Variants in TBC1D22A observed in about 807,000 individuals in gnomAD.
The protein encoded by TBC1D22A is TBC1 domain family member 22A, also known as putative GTPase activator.
In TBC1D22A, 38 loss-of-function variants were observed where a neutral mutation model predicts 60.2. The ratio of observed to expected loss-of-function variants is 0.63; its 90% CI spans 0.49 to 0.83. The LOEUF (loss-of-function observed/expected upper bound fraction) is 0.83. Among genes scored for constraint, TBC1D22A ranks in the 40% least tolerant of loss-of-function variants. The pLI is 0.00. For missense variants in TBC1D22A, 628 were observed against 701.0 expected (o/e 0.90, Z 1.18); for synonymous variants, 302 against 281.7 (o/e 1.07, Z -0.72).
chr22:47,074,751 C>T (rs2064134407), intron 11 of TBC1D22A, among the ~76,000 whole-genome samples: 1 of 152,208 alleles, frequency 6.6e-6, no homozygotes, highest in South Asian at 2.1e-4. Context: ...CATCCTACCG[C>T]CTTCCTGCCC....
rs563194416 is a variant in TBC1D22A, at chr22:46,831,941, A to G, written c.637+34321A>G. Reference sequence around the variant, plus strand: ...AGTGAATTGCTGTTTGGTGTTATCAATGTTGGAAGGTCCTTTCCCCCCTCA... The same window carrying G: ...AGTGAATTGCTGTTTGGTGTTATCAGTGTTGGAAGGTCCTTTCCCCCCTCA... On this transcript the variant is annotated intron_variant, in intron 4 of 12. Coordinates refer to ENST00000337137, the MANE Select transcript of TBC1D22A (RefSeq NM_014346.5). 4.4e-4 allele frequency among the ~76,000 whole-genome samples: 60 copies of G among 135,888 alleles called. No individual in the cohort carries two copies. The South Asian group carries it at 9.6e-3, about 22-fold the overall frequency. 89.1% of individuals were successfully genotyped at this position (135,888 alleles called of 152,430 possible).
At chr22:47,026,034 A>G (rs557152731) in intron 10 of TBC1D22A, among the ~76,000 whole-genome samples, 4 of 152,386 alleles carry the variant, frequency 2.6e-5, no homozygotes, top group Middle Eastern at 3.4e-3. Flanking sequence ...AACAGTACAC[A>G]TCCCGATGAT....
At chr22:46,941,376 G>T (rs2072051882) in intron 8 of TBC1D22A, among the ~76,000 whole-genome samples, 1 of 146,382 alleles carries the variant, frequency 6.8e-6, no homozygotes, top group Non-Finnish European at 1.5e-5. Context: ...TATATATACA[G>T]AATATATATA....
intron 1 of TBC1D22A, among the ~76,000 whole-genome samples, chr22:46,771,148 A>G (rs2083467303): frequency 6.6e-6 from 1 of 152,310 alleles, no homozygotes; most frequent in East Asian, 1.9e-4. Flanking sequence ...GGTTAATTTT[A>G]AATGAAGACA....
At chr22:47,125,724 A>T (rs934148601) in intron 12 of TBC1D22A, among the ~76,000 whole-genome samples, 1 of 152,094 alleles carries the variant, frequency 6.6e-6, no homozygotes, top group Admixed American at 6.5e-5. Flanking sequence ...AATTTGGGCC[A>T]CTCTGCAAGA....
chr22:47,048,325 A>G (rs1448805733), intron 11 of TBC1D22A, among the ~76,000 whole-genome samples: 3 of 152,152 alleles, frequency 2.0e-5, no homozygotes, highest in Non-Finnish European at 4.4e-5. Flanking sequence ...GCTGTCAGGT[A>G]GGGAAAGGGT....
At position 47,012,876 on chromosome 22, in the gene TBC1D22A, A is replaced by C. The variant is rs538674030; in HGVS notation, c.1201+15167A>C. Among the ~76,000 whole-genome samples, 66 of 152,280 alleles carry C rather than the reference A, an allele frequency of 4.3e-4. 1 individual carries two copies. Among genetic ancestry groups the C allele is most frequent in the African/African-American group, 1.5e-3 (64 of 41,550 alleles). The stretch of plus-strand genomic sequence containing the variant: ...AGTTGTTCCGAGAGCTCATCCTTCC[A>C]GGCCTGTACTTAGCACAGAATCATA... On this transcript the variant is annotated intron_variant, in intron 10 of 12. Coordinates refer to ENST00000337137, the MANE Select transcript of TBC1D22A (RefSeq NM_014346.5).
At chr22:46,992,335 A>G (rs1281727909) in intron 9 of TBC1D22A, among the ~76,000 whole-genome samples, 4 of 152,256 alleles carry the variant, frequency 2.6e-5, no homozygotes. Context: ...GGGGAAGCAC[A>G]TTAGAGACTC....
chr22:47,036,392 G>A (rs1051755248), intron 10 of TBC1D22A, among the ~76,000 whole-genome samples: 6 of 152,168 alleles, frequency 3.9e-5, no homozygotes, highest in Admixed American at 3.9e-4. Context: ...GGGAGCACGG[G>A]GTCTGAGCTG....
At chr22:46,839,103 A>G (rs2086642016) in intron 4 of TBC1D22A, among the ~76,000 whole-genome samples, 1 of 152,172 alleles carries the variant, frequency 6.6e-6, no homozygotes, top group Admixed American at 6.5e-5. Context: ...AACCCTAAGG[A>G]CTCCACCAAA....
At chr22:47,147,073 C>T (rs1263366773) in intron 12 of TBC1D22A, among the ~76,000 whole-genome samples, 1 of 152,240 alleles carries the variant, frequency 6.6e-6, no homozygotes, top group East Asian at 1.9e-4. Flanking sequence ...AGAAGGAAGG[C>T]AGCCAGCCGC....
chr22:47,056,117 G>A (rs192502682), intron 11 of TBC1D22A, among the ~76,000 whole-genome samples: 19 of 152,238 alleles, frequency 1.2e-4, no homozygotes, highest in African/African-American at 4.6e-4. Context: ...AGCAGTCTGG[G>A]TCGGGTAACG....
chr22:47,169,929 G>C (rs536042958), intron 12 of TBC1D22A, among the ~76,000 whole-genome samples: 357 of 152,382 alleles, frequency 2.3e-3, no homozygotes, highest in African/African-American at 8.3e-3. Flanking sequence ...CACCGTCATT[G>C]CTGGGAGAGC....
In TBC1D22A at chr22:46,922,379, T is replaced by A. The variant is rs187442346; in HGVS notation, c.1015+10191T>A. 2.0e-3 allele frequency among the ~76,000 whole-genome samples: 305 copies of A among 152,342 alleles called. 1 individual carries two copies. The highest frequency in any genetic ancestry group is 6.2e-3 in the South Asian group (30 of 4,828). On this transcript the variant is annotated intron_variant, in intron 8 of 12. Transcript: ENST00000337137. ...TTGTAATGCCTCCAGCTTTGTTCTT[T>A]TTTGCTTTGGATTGCTTTGGCTATT...
chr22:46,798,168 G>A (rs1015329238), intron 4 of TBC1D22A, among the ~76,000 whole-genome samples: 1 of 152,208 alleles, frequency 6.6e-6, no homozygotes, highest in African/African-American at 2.4e-5. Context: ...GATCCACCAC[G>A]CCTGGCCCAT....
rs753086819 is a variant in TBC1D22A, at chr22:46,793,681, T to C, written c.300T>C (p.Arg100=). 3 of 1,612,936 alleles carry C rather than the reference T, an allele frequency of 1.9e-6. No individual in the cohort carries two copies. The highest frequency in any genetic ancestry group is 1.3e-5 in the African/African-American group (1 of 74,896). Residue 100 remains arginine (R), a synonymous_variant, in exon 3 of 13, where the codon CGT becomes CGC. Coordinates refer to ENST00000337137, the MANE Select transcript of TBC1D22A (RefSeq NM_014346.5). The part of the protein sequence containing the change: ...NSEVVMETAN[R]VLRNHSQRQG... ...AGGTGGTCATGGAGACGGCCAACCGTGTGCTGCGTAACCACAGCCAGCGGC... is the reference window on the plus strand; with the variant it reads ...AGGTGGTCATGGAGACGGCCAACCGCGTGCTGCGTAACCACAGCCAGCGGC...
At chr22:47,144,325 G>T (rs531739183) in intron 12 of TBC1D22A, among the ~76,000 whole-genome samples, 1 of 152,154 alleles carries the variant, frequency 6.6e-6, no homozygotes, top group Non-Finnish European at 1.5e-5. Flanking sequence ...AGAGGACGGC[G>T]TCCAACCGGA....
intron 11 of TBC1D22A, among the ~76,000 whole-genome samples, chr22:47,060,500 G>A (rs1007339940): frequency 2.6e-5 from 4 of 152,042 alleles, no homozygotes; most frequent in Admixed American, 6.6e-5. Context: ...GCACAATCTC[G>A]GCTCACTGCA....
chr22:47,125,521 G>A (rs2066422605), intron 12 of TBC1D22A, among the ~76,000 whole-genome samples: 1 of 152,224 alleles, frequency 6.6e-6, no homozygotes, highest in South Asian at 2.1e-4. Flanking sequence ...CATTTCTGGG[G>A]AAAGTGGGGT....
Sources: allele counts gnomAD v4.1 joint callset (sites outside exome capture counted in the v4.1 genomes callset), GRCh38; gene constraint gnomAD v4.1.1; transcripts MANE v1.5; gene names NCBI Gene and HGNC (gene_info 2026-07-23, HGNC 2026-07-21).